Variants in GIPC2 observed in about 807,000 individuals in gnomAD.
GIPC2 encodes the protein GIPC PDZ domain containing family member 2, also known as PDZ domain-containing protein GIPC2.
In GIPC2, 30 loss-of-function variants were observed where a neutral mutation model predicts 30.6. That is an observed-to-expected ratio of 0.98 (90% CI 0.73 to 1.33). The LOEUF is 1.33. Among genes scored for constraint, GIPC2 ranks in the 40% most tolerant of loss-of-function variants. The pLI is 0.00. For missense variants in GIPC2, 414 were observed against 390.3 expected (o/e 1.06, Z -0.51); for synonymous variants, 167 against 150.0 (o/e 1.11, Z -0.83).
chr1:78,128,892 C>A (rs1443530276), intron 5 of GIPC2, among the ~76,000 whole-genome samples: 1 of 151,946 alleles, frequency 6.6e-6, no homozygotes, highest in Non-Finnish European at 1.5e-5. Context: ...GAAGTCCTAG[C>A]CACTTGAGAG....
At chr1:78,122,586 C>G (rs1662702482) in intron 4 of GIPC2, among the ~76,000 whole-genome samples, 1 of 152,128 alleles carries the variant, frequency 6.6e-6, no homozygotes, top group Non-Finnish European at 1.5e-5. Context: ...ACCATGAGAT[C>G]TTGTGAGAAC....
chr1:78,045,903 C>T, upstream of GIPC2: 5 of 1,335,780 alleles, frequency 3.7e-6, no homozygotes, highest in Non-Finnish European at 4.8e-6. Context: ...CCGGGGGAGG[C>T]TGGGCGGGCG....
At chr1:78,064,315 A>C (rs1661461235) in intron 1 of GIPC2, among the ~76,000 whole-genome samples, 1 of 152,222 alleles carries the variant, frequency 6.6e-6, no homozygotes, top group Non-Finnish European at 1.5e-5. Flanking sequence ...GTGGAATACA[A>C]AGCAGTTCTT....
chr1:78,078,216 T>C (rs966525035), intron 1 of GIPC2, among the ~76,000 whole-genome samples: 5 of 146,094 alleles, frequency 3.4e-5, no homozygotes, highest in Non-Finnish European at 7.5e-5. Context: ...AAAAACCTAG[T>C]GTATCACTTT....
In GIPC2 at chr1:78,046,349, G is replaced by A; in HGVS notation, c.240+15G>A. ...CGCCGTCGGAGGTAAGGCGCCAGGTGCTCAGGCTCTCCCGCCTCTCCGCCG... is the reference window on the plus strand; with the variant it reads ...CGCCGTCGGAGGTAAGGCGCCAGGTACTCAGGCTCTCCCGCCTCTCCGCCG... On this transcript the variant is annotated intron_variant, in intron 1 of 5. Coordinates refer to ENST00000370759, the MANE Select transcript of GIPC2 (RefSeq NM_017655.6). 10 of 1,598,330 alleles carry A rather than the reference G, an allele frequency of 6.3e-6. No homozygotes were observed. Among genetic ancestry groups the A allele is most frequent in the Non-Finnish European group, 7.7e-6 (9 of 1,172,364 alleles).
intron 3 of GIPC2, among the ~76,000 whole-genome samples, chr1:78,103,617 G>C (rs1352114066): frequency 6.6e-6 from 1 of 152,200 alleles, no homozygotes; most frequent in Non-Finnish European, 1.5e-5. Context: ...TAGCACTCCA[G>C]TCCTGTTTGC....
chr1:78,064,128 A>G (rs1357882987), intron 1 of GIPC2, among the ~76,000 whole-genome samples: 1 of 152,232 alleles, frequency 6.6e-6, no homozygotes, highest in Non-Finnish European at 1.5e-5. Flanking sequence ...AACTCTTGGT[A>G]AGGCACTGCA....
intron 5 of GIPC2, among the ~76,000 whole-genome samples, chr1:78,132,495 C>A (rs1662917776): frequency 6.6e-6 from 1 of 152,068 alleles, no homozygotes; most frequent in South Asian, 2.1e-4. Flanking sequence ...GCAGCATTTT[C>A]TTTCATTTTT....
At chr1:78,108,342 C>T (rs980602436) in intron 3 of GIPC2, among the ~76,000 whole-genome samples, 1 of 152,160 alleles carries the variant, frequency 6.6e-6, no homozygotes, top group African/African-American at 2.4e-5. Context: ...GTTATGAAAA[C>T]AGCGTTGGGG....
At chr1:78,052,591 AC>A (rs1557525422) in intron 1 of GIPC2, among the ~76,000 whole-genome samples, 1 of 152,170 alleles carries the variant, frequency 6.6e-6, no homozygotes, top group Non-Finnish European at 1.5e-5. Context: ...GTAGTGAGGA[AC>A]ATCACTCATA....
intron 2 of GIPC2, among the ~76,000 whole-genome samples, chr1:78,083,112 TC>T (rs1661863480): frequency 5.4e-5 from 8 of 149,206 alleles, no homozygotes; most frequent in African/African-American, 2.0e-4. Flanking sequence ...CTTATCAGCG[TC>T]CTAATTGTGT....
intron 4 of GIPC2, among the ~76,000 whole-genome samples, chr1:78,121,955 C>A (rs369917758): frequency 6.6e-6 from 1 of 152,168 alleles, no homozygotes; most frequent in East Asian, 1.9e-4. Context: ...ATGAGCAGAC[C>A]TTTAAACAGC....
At chr1:78,109,399 A>G (rs1662420456) in intron 3 of GIPC2, among the ~76,000 whole-genome samples, 2 of 152,194 alleles carry the variant, frequency 1.3e-5, no homozygotes, top group African/African-American at 2.4e-5. Context: ...TTATTTACCA[A>G]TGGCAACTCA....
intron 1 of GIPC2, among the ~76,000 whole-genome samples, chr1:78,059,173 T>C (rs953641544): frequency 6.6e-6 from 1 of 152,184 alleles, no homozygotes; most frequent in Admixed American, 6.5e-5. Context: ...CCTGAGAATG[T>C]TGTCATTTTA....
intron 3 of GIPC2, 129 bp from the exon 4 acceptor site, chr1:78,119,264 G>C: frequency 3.6e-6 from 2 of 562,102 alleles, no homozygotes; most frequent in Non-Finnish European, 3.2e-6. Flanking sequence ...TCTATAAGAA[G>C]GCCTACGTTT....
chr1:78,126,549 G>C (rs1435376241), intron 5 of GIPC2, among the ~76,000 whole-genome samples: 1 of 139,990 alleles, frequency 7.1e-6, no homozygotes, highest in Non-Finnish European at 1.6e-5. Context: ...GCTGGCTTAA[G>C]GAAAAAAAAA....
intron 2 of GIPC2, among the ~76,000 whole-genome samples, chr1:78,090,617 C>G (rs1481623563): frequency 6.6e-6 from 1 of 152,200 alleles, no homozygotes; most frequent in Non-Finnish European, 1.5e-5. Context: ...GTTTGACTAA[C>G]CACAAAACTG....
At chr1:78,082,822 A>C (rs929396365) in intron 2 of GIPC2, among the ~76,000 whole-genome samples, 3 of 152,186 alleles carry the variant, frequency 2.0e-5, no homozygotes, top group African/African-American at 7.2e-5. Flanking sequence ...TTGGGAGAGG[A>C]TAATTTCAAA....
At chr1:78,120,724 A>G (rs986404603) in intron 4 of GIPC2, among the ~76,000 whole-genome samples, 1 of 152,194 alleles carries the variant, frequency 6.6e-6, no homozygotes, top group Non-Finnish European at 1.5e-5. Flanking sequence ...CTCTTTATAA[A>G]ACCGTCAGAT....
Sources: gnomAD v4.1 joint callset for allele counts (sites outside exome capture counted in the v4.1 genomes callset) on GRCh38, gnomAD v4.1.1 for gene constraint, MANE v1.5 for transcripts, NCBI Gene and HGNC (gene_info 2026-07-23, HGNC 2026-07-21) for gene names.